Variants in IGSF11 observed in about 807,000 individuals in gnomAD.
IGSF11 encodes immunoglobulin superfamily member 11.
In IGSF11, 22 loss-of-function variants were observed where a neutral mutation model predicts 41.0. That is an observed-to-expected ratio of 0.54 (90% CI 0.38 to 0.77). The LOEUF is 0.77. Among genes scored for constraint, IGSF11 ranks in the 30% least tolerant of loss-of-function variants. IGSF11 has a pLI of 0.00. For missense variants in IGSF11, 444 were observed against 530.8 expected (o/e 0.84, Z 1.61); for synonymous variants, 219 against 201.3 (o/e 1.09, Z -0.74).
chr3:118,979,324 T>C (rs1056115544), intron 1 of IGSF11, among the ~76,000 whole-genome samples: 37 of 152,088 alleles, frequency 2.4e-4, no homozygotes, highest in African/African-American at 8.7e-4. Flanking sequence ...GAGAATGAGT[T>C]AGAAAAACTA....
chr3:119,098,506 C>T (rs1353139956), intron 1 of IGSF11, among the ~76,000 whole-genome samples: 1 of 151,962 alleles, frequency 6.6e-6, no homozygotes, highest in South Asian at 2.1e-4. Context: ...AGTTTTGTAC[C>T]CTCAAGAACA....
At chr3:118,919,297 G>C (rs1161923210) in intron 4 of IGSF11, among the ~76,000 whole-genome samples, 1 of 140,176 alleles carries the variant, frequency 7.1e-6, no homozygotes, top group East Asian at 2.1e-4. Flanking sequence ...CACAGCAAAA[G>C]AAACTACCAT....
intron 1 of IGSF11, among the ~76,000 whole-genome samples, chr3:119,030,279 T>C (rs1940269431): frequency 6.6e-6 from 1 of 152,244 alleles, no homozygotes. Flanking sequence ...ATAAAAATTT[T>C]AGTTATACTT....
chr3:118,961,556 T>C (rs547173840), intron 1 of IGSF11, among the ~76,000 whole-genome samples: 171 of 152,258 alleles, frequency 1.1e-3, no homozygotes, highest in African/African-American at 3.9e-3. Flanking sequence ...AAGTTAGAAA[T>C]TGCATAGAAA....
intron 4 of IGSF11, among the ~76,000 whole-genome samples, chr3:118,909,271 T>C (rs1004303418): frequency 4.6e-5 from 7 of 152,112 alleles, no homozygotes; most frequent in African/African-American, 1.7e-4. Flanking sequence ...AAACTGAACA[T>C]TTCTTATATA....
chr3:119,044,482 G>C (rs1410688435), intron 1 of IGSF11, among the ~76,000 whole-genome samples: 1 of 152,084 alleles, frequency 6.6e-6, no homozygotes, highest in East Asian at 1.9e-4. Context: ...TTTGGAAAAA[G>C]TATTTGAGGA....
At chr3:119,034,245 C>T (rs996614067) in intron 1 of IGSF11, among the ~76,000 whole-genome samples, 1 of 152,236 alleles carries the variant, frequency 6.6e-6, no homozygotes, top group African/African-American at 2.4e-5. Context: ...ATCCTGCATT[C>T]CGCAGAGCGC....
intron 1 of IGSF11, among the ~76,000 whole-genome samples, chr3:119,005,337 T>C: frequency 1.3e-5 from 2 of 150,262 alleles, no homozygotes; most frequent in African/African-American, 2.5e-5. Flanking sequence ...TCCACCCTTT[T>C]ATTTTGAGCC....
intron 2 of IGSF11, among the ~76,000 whole-genome samples, chr3:118,929,456 GTAA>G (rs1432686053): frequency 1.3e-5 from 2 of 152,126 alleles, no homozygotes; most frequent in African/African-American, 4.8e-5. Flanking sequence ...ATATTTTGAG[GTAA>G]TAATAATCTT....
intron 1 of IGSF11, among the ~76,000 whole-genome samples, chr3:118,962,534 G>A (rs1309472371): frequency 6.6e-6 from 1 of 152,124 alleles, no homozygotes; most frequent in Non-Finnish European, 1.5e-5. Context: ...AAATACAGGT[G>A]GAAGAAGTAT....
intron 1 of IGSF11, among the ~76,000 whole-genome samples, chr3:119,141,127 T>A: frequency 7.4e-6 from 1 of 135,852 alleles, no homozygotes; most frequent in Admixed American, 7.4e-5. Flanking sequence ...TTTAGAAAAA[T>A]CAGAAATATG....
intron 1 of IGSF11, among the ~76,000 whole-genome samples, chr3:118,955,219 TACACACACACACACACAC>T (rs34044399): frequency 1.4e-5 from 2 of 144,400 alleles, no homozygotes; most frequent in African/African-American, 2.5e-5. Context: ...TATATGTACA[TACACACACACACACACAC>T]ACACACACAC....
chr3:118,990,263 A>G (rs1180228516), intron 1 of IGSF11, among the ~76,000 whole-genome samples: 1 of 152,254 alleles, frequency 6.6e-6, no homozygotes, highest in African/African-American at 2.4e-5. Context: ...GGAGGGATAC[A>G]GACCAGTTGT....
chr3:118,938,009 C>A (rs72966895), intron 1 of IGSF11, among the ~76,000 whole-genome samples: 4,462 of 150,264 alleles, frequency 0.03, 233 homozygotes, highest in African/African-American at 0.1. Flanking sequence ...CAAAAGATAT[C>A]TCTCTCTCTC....
chr3:119,060,611 TAAAG>T (rs1942023234), intron 1 of IGSF11, among the ~76,000 whole-genome samples: 1 of 152,158 alleles, frequency 6.6e-6, no homozygotes, highest in Non-Finnish European at 1.5e-5. Context: ...TTTTTCCAGA[TAAAG>T]AAAACTGAGA....
Position 118,928,599 on chromosome 3 carries a change from A to G in IGSF11, c.334T>C (p.Leu112=). The G allele has an allele frequency of 1.2e-6, 2 of 1,614,058 alleles. No individual in the cohort carries two copies. Among genetic ancestry groups the G allele is most frequent in the Non-Finnish European group, 1.7e-6 (2 of 1,179,980 alleles). ...NVSIFINNTQ[L]SDTGTYQCLV... ...CACTGGTAGGTGCCAGTGTCTGATA[A>G]CTGAGTGTTATTAATGAAGATAGAG... is the stretch of plus-strand genomic sequence containing the variant. The change falls in exon 3 of 7, where the codon TTA becomes CTA. Residue 112 remains leucine (L), a synonymous_variant. Coordinates refer to ENST00000393775, the MANE Select transcript of IGSF11 (RefSeq NM_001015887.3).
At chr3:119,123,504 C>T (rs1223092750) in intron 1 of IGSF11, among the ~76,000 whole-genome samples, 1 of 152,130 alleles carries the variant, frequency 6.6e-6, no homozygotes, top group Non-Finnish European at 1.5e-5. Context: ...GGGCCTTGAG[C>T]GAACATAAGC....
chr3:119,057,477 A>G (rs373036841), intron 1 of IGSF11, among the ~76,000 whole-genome samples: 1 of 151,972 alleles, frequency 6.6e-6, no homozygotes, highest in Admixed American at 6.6e-5. Flanking sequence ...AAAAGAGGAT[A>G]CAAACAAATG....
chr3:119,027,456 G>A (rs1939931386), intron 1 of IGSF11, among the ~76,000 whole-genome samples: 1 of 152,150 alleles, frequency 6.6e-6, no homozygotes, highest in African/African-American at 2.4e-5. Context: ...GGAGAAAGCA[G>A]ACAGGAGACT....
Sources: allele counts gnomAD v4.1 joint callset (sites outside exome capture counted in the v4.1 genomes callset), GRCh38; gene constraint gnomAD v4.1.1; transcripts MANE v1.5; gene names NCBI Gene and HGNC (gene_info 2026-07-23, HGNC 2026-07-21).